NLGN1: variants seen among roughly 807,000 people sequenced by gnomAD.
NLGN1 encodes neuroligin 1.
In NLGN1, 12 loss-of-function variants were observed where a neutral mutation model predicts 65.5. That is an observed-to-expected ratio of 0.18 (90% CI 0.12 to 0.30). NLGN1 has a LOEUF of 0.30. Ranked by LOEUF, NLGN1 falls within the 10% of genes least tolerant of loss-of-function variation. The pLI, the probability that NLGN1 is intolerant of heterozygous loss-of-function variation, is 1.00. For missense variants in NLGN1, 750 were observed against 1,007.1 expected (o/e 0.74, Z 3.46); for synonymous variants, 350 against 359.5 (o/e 0.97, Z 0.30).
intron 3 of NLGN1, among the ~76,000 whole-genome samples, chr3:173,778,026 G>A (rs995833202): frequency 9.2e-5 from 14 of 151,700 alleles, no homozygotes; most frequent in African/African-American, 2.9e-4. Context: ...ACCCAATGAA[G>A]CACTCATCAA....
intron 4 of NLGN1, among the ~76,000 whole-genome samples, chr3:174,222,290 A>C (rs1738818920): frequency 1.6e-5 from 2 of 128,382 alleles, no homozygotes; most frequent in South Asian, 5.1e-4. Context: ...GTTATAGTAA[A>C]AGCATGTTGT....
chr3:174,222,063 G>A (rs889059714), intron 4 of NLGN1, among the ~76,000 whole-genome samples: 2 of 151,960 alleles, frequency 1.3e-5, no homozygotes, highest in African/African-American at 2.4e-5. Flanking sequence ...AAATTTTGGG[G>A]GGAATCTATT....
intron 2 of NLGN1, among the ~76,000 whole-genome samples, chr3:173,529,718 G>T (rs1176864434): frequency 1.3e-5 from 2 of 152,116 alleles, no homozygotes; most frequent in Non-Finnish European, 2.9e-5. Context: ...GAACCTCTTT[G>T]TTCCACCCAA....
chr3:173,780,995 T>A (rs1020361323), intron 3 of NLGN1, among the ~76,000 whole-genome samples: 2 of 151,384 alleles, frequency 1.3e-5, no homozygotes, highest in South Asian at 4.2e-4. Context: ...ACAAAAAAAA[T>A]TAGCCAGGCG....
chr3:173,457,712 G>A (rs1722728454), intron 2 of NLGN1, among the ~76,000 whole-genome samples: 1 of 152,094 alleles, frequency 6.6e-6, no homozygotes, highest in African/African-American at 2.4e-5. Context: ...GCCTAAAGTT[G>A]AGATTCAGTA....
chr3:174,213,799 A>T (rs941638301), intron 4 of NLGN1, among the ~76,000 whole-genome samples: 1 of 152,154 alleles, frequency 6.6e-6, no homozygotes, highest in African/African-American at 2.4e-5. Flanking sequence ...AAATTACTGA[A>T]TTATTTTAAC....
the NLGN1 span, among the ~76,000 whole-genome samples, chr3:174,291,697 C>T: frequency 6.6e-6 from 1 of 151,082 alleles, no homozygotes; most frequent in Admixed American, 6.6e-5. Context: ...CTGTTATTGG[C>T]ATTAAAGAAC....
At chr3:173,566,291 G>C (rs1258576121) in intron 2 of NLGN1, among the ~76,000 whole-genome samples, 1 of 152,094 alleles carries the variant, frequency 6.6e-6, no homozygotes, top group Non-Finnish European at 1.5e-5. Flanking sequence ...GCTTCTCTAG[G>C]TTTTAATCGT....
intron 4 of NLGN1, among the ~76,000 whole-genome samples, chr3:174,022,140 G>C (rs1453931890): frequency 2.6e-5 from 4 of 152,092 alleles, no homozygotes; most frequent in Non-Finnish European, 1.5e-5. Flanking sequence ...TGCATGCTTG[G>C]TTGACTTCCA....
Position 173,583,973 on chromosome 3 carries a change from G to A in NLGN1, c.-320-20306G>A, listed in dbSNP as rs77452599. On this transcript the variant is annotated intron_variant, in intron 2 of 6. Transcript: ENST00000457714. ...GGAAGAGTGAGGCTTCTTTTAGGTC[G>A]ATAGTTATTAAAGAAACAAATACAA... is the stretch of plus-strand genomic sequence containing the variant. Among the ~76,000 whole-genome samples the A allele has an allele frequency of 9.1e-3, 1,386 of 151,884 alleles. 32 individuals are homozygous for A. Among genetic ancestry groups the A allele is most frequent in the African/African-American group, 0.032 (1,319 of 41,394 alleles).
In NLGN1 at chr3:173,604,959, A is replaced by G. The variant is rs752239356; in HGVS notation, c.361A>G (p.Ile121Val). ...ATTTGCTCCTGTGTGTCCCCAGAAT[A>G]TCATTGATGGCAGATTGCCAGAAGT... The change falls in exon 3 of 7, where the codon ATC (isoleucine) becomes GTC (valine). Residue 121 changes from isoleucine (I) to valine (V), a missense_variant. By Grantham distance (29) the Ile-to-Val change is conservative. Transcript: ENST00000457714. 4 of 1,613,572 alleles carry G rather than the reference A, an allele frequency of 2.5e-6. No homozygotes were observed. The highest frequency in any genetic ancestry group is 3.3e-5 in the Admixed American group (2 of 59,948).
chr3:174,235,047 C>A (rs1213127878), intron 4 of NLGN1, among the ~76,000 whole-genome samples: 7 of 88,630 alleles, frequency 7.9e-5, no homozygotes, highest in African/African-American at 2.7e-4. Flanking sequence ...CTAGTGACAG[C>A]CAGTTTTTTT....
At chr3:174,044,678 T>G (rs1733132659) in intron 4 of NLGN1, among the ~76,000 whole-genome samples, 1 of 152,148 alleles carries the variant, frequency 6.6e-6, no homozygotes, top group Admixed American at 6.5e-5. Context: ...GTTCCAAACT[T>G]TCCCATATCA....
chr3:173,702,822 T>TA (rs768030125), intron 3 of NLGN1, among the ~76,000 whole-genome samples: 45 of 152,360 alleles, frequency 3.0e-4, no homozygotes, highest in Middle Eastern at 3.4e-3. Flanking sequence ...CCTGTAGCTT[T>TA]AAACTGTTTT....
intron 2 of NLGN1, among the ~76,000 whole-genome samples, chr3:173,556,128 T>C (rs897573560): frequency 6.6e-6 from 1 of 152,184 alleles, no homozygotes; most frequent in Non-Finnish European, 1.5e-5. Flanking sequence ...ATCTAAAAGA[T>C]TTTTTGTTGA....
intron 3 of NLGN1, among the ~76,000 whole-genome samples, chr3:173,736,825 A>G (rs1433472775): frequency 6.6e-6 from 1 of 152,030 alleles, no homozygotes; most frequent in Non-Finnish European, 1.5e-5. Context: ...CTACCCACTA[A>G]TGTTGGCCAA....
intron 4 of NLGN1, among the ~76,000 whole-genome samples, chr3:174,183,619 CT>C (rs1467850436): frequency 1.3e-5 from 2 of 152,044 alleles, no homozygotes; most frequent in Non-Finnish European, 2.9e-5. Context: ...GAAGAAAATG[CT>C]AAGAAACACT....
chr3:173,725,186 A>C (rs1296823286), intron 3 of NLGN1, among the ~76,000 whole-genome samples: 4 of 152,188 alleles, frequency 2.6e-5, no homozygotes, highest in East Asian at 1.9e-4. Flanking sequence ...ATAATAAAAA[A>C]AGAAAAAAAT....
At chr3:173,766,633 A>G (rs1017872849) in intron 3 of NLGN1, among the ~76,000 whole-genome samples, 1 of 152,124 alleles carries the variant, frequency 6.6e-6, no homozygotes, top group African/African-American at 2.4e-5. Context: ...AAACAGGACG[A>G]GGTTAAGTCA....
Sources: allele counts gnomAD v4.1 joint callset (sites outside exome capture counted in the v4.1 genomes callset), GRCh38; gene constraint gnomAD v4.1.1; transcripts MANE v1.5; gene names NCBI Gene and HGNC (gene_info 2026-07-23, HGNC 2026-07-21).